MGMT: variants seen among roughly 807,000 people sequenced by gnomAD.
MGMT encodes the protein O-6-methylguanine-DNA methyltransferase.
A neutral mutation model predicts 15.9 loss-of-function variants in MGMT; 14 were observed. The observed-to-expected ratio is 0.88, with a 90% CI of 0.58 to 1.37. MGMT has a LOEUF of 1.37. Among genes scored for constraint, MGMT ranks in the 40% most tolerant of loss-of-function variants. MGMT has a pLI of 0.00. For synonymous variants in MGMT, 130 were observed against 118.2 expected (o/e 1.10, Z -0.65); for missense variants, 282 against 268.1 (o/e 1.05, Z -0.36).
At chr10:129,512,572 A>T (rs754213260) in intron 1 of MGMT, among the ~76,000 whole-genome samples, 2 of 152,072 alleles carry the variant, frequency 1.3e-5, no homozygotes, top group East Asian at 1.9e-4. Flanking sequence ...TCTTGTAAGG[A>T]TTAGAGAAGA....
intron 3 of MGMT, among the ~76,000 whole-genome samples, chr10:129,747,962 CG>C (rs1359247197): frequency 6.6e-6 from 1 of 152,132 alleles, no homozygotes; most frequent in Non-Finnish European, 1.5e-5. Context: ...TTCCTGAGAT[CG>C]TATCAAGGAG....
At chr10:129,718,013 G>A (rs1329440627) in intron 3 of MGMT, 3 of 152,302 alleles carry the variant, frequency 2.0e-5, no homozygotes, top group African/African-American at 4.8e-5. Context: ...ATGTTTCTCT[G>A]TCAACCCATG....
At chr10:129,514,143 G>A (rs1414059567) in intron 1 of MGMT, among the ~76,000 whole-genome samples, 1 of 152,170 alleles carries the variant, frequency 6.6e-6, no homozygotes, top group Non-Finnish European at 1.5e-5. Flanking sequence ...GCTGAATTTT[G>A]TAATAACATT....
chr10:129,590,951 A>T (rs1846676840), intron 2 of MGMT, among the ~76,000 whole-genome samples: 1 of 152,250 alleles, frequency 6.6e-6, no homozygotes, highest in South Asian at 2.1e-4. Context: ...GGCTCCAGCA[A>T]ATTGGCCATT....
At chr10:129,590,250 C>G (rs550819522) in intron 2 of MGMT, among the ~76,000 whole-genome samples, 1 of 152,156 alleles carries the variant, frequency 6.6e-6, no homozygotes, top group Admixed American at 6.5e-5. Context: ...TTATAAAATA[C>G]GTTTAATATA....
chr10:129,740,865 C>T (rs182100957), intron 3 of MGMT, among the ~76,000 whole-genome samples: 1 of 152,344 alleles, frequency 6.6e-6, no homozygotes, highest in African/African-American at 2.4e-5. Context: ...CTAGTAAGCA[C>T]TCAGTAAGTC....
At chr10:129,553,755 G>T (rs983338393) in intron 2 of MGMT, among the ~76,000 whole-genome samples, 1 of 152,188 alleles carries the variant, frequency 6.6e-6, no homozygotes, top group African/African-American at 2.4e-5. Context: ...GAGCATCAGG[G>T]TCACTTTCAC....
chr10:129,525,733 T>C (rs960690974), intron 1 of MGMT, among the ~76,000 whole-genome samples: 1 of 152,180 alleles, frequency 6.6e-6, no homozygotes, highest in Non-Finnish European at 1.5e-5. Flanking sequence ...GTTTGTGGAA[T>C]GCGGCTTCAG....
chr10:129,615,874 G>A (rs939132802), intron 2 of MGMT, among the ~76,000 whole-genome samples: 2 of 152,186 alleles, frequency 1.3e-5, no homozygotes, highest in Non-Finnish European at 2.9e-5. Flanking sequence ...GGCAGGGGGT[G>A]TGGCAGTGGG....
chr10:129,525,997 T>C (rs1845865422), intron 1 of MGMT, among the ~76,000 whole-genome samples: 1 of 152,190 alleles, frequency 6.6e-6, no homozygotes, highest in South Asian at 2.1e-4. Flanking sequence ...ACGATTTCAA[T>C]GTAACAGAAC....
At chr10:129,599,474 T>G (rs1846791656) in intron 2 of MGMT, among the ~76,000 whole-genome samples, 1 of 152,250 alleles carries the variant, frequency 6.6e-6, no homozygotes, top group South Asian at 2.1e-4. Flanking sequence ...TCTTGCTGCT[T>G]CTTGTCTTGC....
intron 1 of MGMT, among the ~76,000 whole-genome samples, chr10:129,509,130 T>C (rs541621899): frequency 1.3e-5 from 2 of 152,318 alleles, no homozygotes; most frequent in Non-Finnish European, 2.9e-5. Context: ...ACCAGGGTTC[T>C]CTGTGTGTTT....
In MGMT at chr10:129,536,215, T is replaced by C. The variant is rs539563062; in HGVS notation, c.-12-26T>C. ...ACGACCAGCCTCTTACCTATACACT[T>C]TGTCTTAAAAATTATTTCTGTTTAG... On this transcript the variant is annotated intron_variant, in intron 1 of 4. Transcript: ENST00000651593. 4.3e-6 allele frequency: 7 copies of C among 1,613,148 alleles called. No individual in the cohort carries two copies. The South Asian group carries it at 6.6e-5, about 15-fold the overall frequency.
At chr10:129,568,512 A>G (rs1464812904) in intron 2 of MGMT, among the ~76,000 whole-genome samples, 2 of 152,224 alleles carry the variant, frequency 1.3e-5, no homozygotes, top group East Asian at 3.8e-4. Flanking sequence ...ATCTTGGTCC[A>G]AACTATCATA....
chr10:129,704,088 G>A (rs1018485703), intron 2 of MGMT, among the ~76,000 whole-genome samples: 1 of 152,082 alleles, frequency 6.6e-6, no homozygotes, highest in Non-Finnish European at 1.5e-5. Flanking sequence ...TTTCTCCATC[G>A]TTCTTCTTAG....
chr10:129,545,849 G>T (rs1846092762), intron 2 of MGMT, among the ~76,000 whole-genome samples: 1 of 152,168 alleles, frequency 6.6e-6, no homozygotes, highest in Admixed American at 6.5e-5. Flanking sequence ...AATATACTTG[G>T]TTTGTTAAAT....
At chr10:129,634,974 T>A (rs903442009) in intron 2 of MGMT, among the ~76,000 whole-genome samples, 1 of 152,214 alleles carries the variant, frequency 6.6e-6, no homozygotes, top group Non-Finnish European at 1.5e-5. Flanking sequence ...ACAGTCACAG[T>A]TAAATTACTT....
At chr10:129,478,080 T>C (rs1167786466) in intron 1 of MGMT, among the ~76,000 whole-genome samples, 1 of 152,194 alleles carries the variant, frequency 6.6e-6, no homozygotes, top group African/African-American at 2.4e-5. Flanking sequence ...TGGAAAGGCC[T>C]GGTGCTGTCC....
chr10:129,679,840 A>G (rs1371567389), intron 2 of MGMT, among the ~76,000 whole-genome samples: 2 of 152,226 alleles, frequency 1.3e-5, no homozygotes, highest in Non-Finnish European at 2.9e-5. Flanking sequence ...ATACCAGACA[A>G]CACATCATTT....
Sources: gnomAD v4.1 joint callset for allele counts (sites outside exome capture counted in the v4.1 genomes callset) on GRCh38, gnomAD v4.1.1 for gene constraint, MANE v1.5 for transcripts, NCBI Gene and HGNC (gene_info 2026-07-23, HGNC 2026-07-21) for gene names.